YIF1B: variants seen among roughly 807,000 people sequenced by gnomAD.
YIF1B encodes protein YIF1B.
In YIF1B, 24 loss-of-function variants were observed where a neutral mutation model predicts 34.6. That is an observed-to-expected ratio of 0.69 (90% CI 0.50 to 0.98). The LOEUF (loss-of-function observed/expected upper bound fraction) is 0.98. Among genes scored for constraint, YIF1B ranks in the 50% least tolerant of loss-of-function variants. The pLI is 0.00. For synonymous variants in YIF1B, 186 were observed against 184.8 expected (o/e 1.01, Z -0.05); for missense variants, 368 against 429.4 (o/e 0.86, Z 1.26).
rs538078277 is a variant in YIF1B, at chr19:38,305,838, G to GC, written c.790-332dup. On this transcript the variant is annotated intron_variant, in intron 7 of 7. Coordinates refer to ENST00000339413, the MANE Select transcript of YIF1B (RefSeq NM_001039672.3). The stretch of plus-strand genomic sequence containing the variant: ...GGTGGGAGACGTGGCCCAGGATGCT[G>GC]CCCCCCCTTATGCTGGCCACACGGC... 9.1e-4 allele frequency among the ~76,000 whole-genome samples: 138 copies of GC among 152,268 alleles called. 1 individual carries two copies. Among genetic ancestry groups the GC allele is most frequent in the African/African-American group, 3.2e-3 (131 of 41,558 alleles).
chr19:38,314,616 CTTTTTT>C (rs911022609), intron 1 of YIF1B, among the ~76,000 whole-genome samples: 1 of 82,324 alleles, frequency 1.2e-5, no homozygotes, highest in East Asian at 3.9e-4. Context: ...GGATCACCCT[CTTTTTT>C]TTTTTTTTTT....
rs112065330 is a variant in YIF1B at position 38,303,879 on chromosome 19, T to C, written c.*1473A>G. 6.6e-6 allele frequency among the ~76,000 whole-genome samples: 1 copy of C among 152,218 alleles called. No homozygotes were observed. Among genetic ancestry groups the C allele is most frequent in the African/African-American group, 2.4e-5 (1 of 41,468 alleles). On this transcript the variant is annotated 3_prime_UTR_variant, in exon 8 of 8. Transcript: ENST00000339413. ...CGGGACGCCCCTGGCAGCAGCGCCC[T>C]GCGTGTTAAAGCGCCGCGGAGGAAG...
intron 1 of YIF1B, 152 bp downstream of exon 1, chr19:38,315,708 G>A: frequency 1.2e-6 from 2 of 1,608,504 alleles, no homozygotes; most frequent in Non-Finnish European, 1.7e-6. Flanking sequence ...CCCCCAAGGG[G>A]CCTCCTACCC....
At chr19:38,313,097 G>A (rs866475178) in intron 1 of YIF1B, among the ~76,000 whole-genome samples, 15 of 151,792 alleles carry the variant, frequency 9.9e-5, no homozygotes, top group African/African-American at 2.2e-4. Flanking sequence ...GATTATAGGC[G>A]CACGCCACCA....
upstream of YIF1B, among the ~76,000 whole-genome samples, chr19:38,319,182 G>A (rs187778961): frequency 5.3e-4 from 81 of 151,648 alleles, no homozygotes; most frequent in African/African-American, 1.8e-3. Flanking sequence ...CTGCAGCCTC[G>A]AACTCCTGGG....
chr19:38,318,554 A>T (rs568440894), upstream of YIF1B, among the ~76,000 whole-genome samples: 41 of 152,302 alleles, frequency 2.7e-4, no homozygotes, highest in African/African-American at 8.9e-4. Context: ...TTTAGTGGGA[A>T]TTATATTGGG....
At position 38,309,396 on chromosome 19, in the gene YIF1B, C is replaced by T. The variant is rs113562040; in HGVS notation, c.297+9G>A. 5.6e-5 allele frequency: 91 copies of T among 1,612,640 alleles called. No individual in the cohort carries two copies. The African/African-American group carries it at 9.1e-4, about 16-fold the overall frequency. On this transcript the variant is annotated intron_variant, in intron 2 of 7. Coordinates refer to ENST00000339413, the MANE Select transcript of YIF1B (RefSeq NM_001039672.3). ...CATCCCCCCACTCCCACCAGCCCCG[C>T]CCACTCACGTTCTTATCCACCAGCT...
At chr19:38,318,395 T>G (rs1229638539), upstream of YIF1B, among the ~76,000 whole-genome samples, 3 of 152,034 alleles carry the variant, frequency 2.0e-5, no homozygotes, top group Admixed American at 6.6e-5. Flanking sequence ...ACGATCCTCC[T>G]GCCTCAGCCT....
At position 38,304,322 on chromosome 19, in the gene YIF1B, C is replaced by G; in HGVS notation, c.*1030G>C. 1 of 1,613,034 alleles carries G rather than the reference C, an allele frequency of 6.2e-7. No homozygotes were observed. Among genetic ancestry groups the G allele is most frequent in the Non-Finnish European group, 8.5e-7 (1 of 1,179,862 alleles). ...GAGTGTGGACTGGAGGTGCAGGGGG[C>G]CGGACTCAAGCCCAGAAGCTGCCTG... On this transcript the variant is annotated 3_prime_UTR_variant, in exon 8 of 8. Coordinates refer to ENST00000339413, the MANE Select transcript of YIF1B (RefSeq NM_001039672.3).
intron 1 of YIF1B, among the ~76,000 whole-genome samples, chr19:38,310,639 C>T (rs752836035): frequency 1.3e-5 from 2 of 152,140 alleles, no homozygotes; most frequent in African/African-American, 4.8e-5. Flanking sequence ...AAGCCTTTTA[C>T]ACAAGGCCGC....
upstream of YIF1B, chr19:38,315,978 G>A: frequency 1.5e-6 from 2 of 1,368,348 alleles, no homozygotes; most frequent in East Asian, 3.1e-5. Flanking sequence ...CCGTACCCAC[G>A]CCCCGCCGGC....
At chr19:38,318,240 G>A (rs994250885), upstream of YIF1B, among the ~76,000 whole-genome samples, 1 of 137,746 alleles carries the variant, frequency 7.3e-6, no homozygotes, top group African/African-American at 2.6e-5. Flanking sequence ...TTAGTTCATT[G>A]GCTTCCTGCT....
intron 1 of YIF1B, among the ~76,000 whole-genome samples, chr19:38,314,113 C>T (rs1969436711): frequency 6.6e-6 from 1 of 152,004 alleles, no homozygotes; most frequent in Non-Finnish European, 1.5e-5. Flanking sequence ...GCAACCTCCG[C>T]ATCCTGGGTT....
intron 1 of YIF1B, among the ~76,000 whole-genome samples, chr19:38,315,177 G>A (rs1190416822): frequency 6.6e-6 from 1 of 151,596 alleles, no homozygotes; most frequent in Non-Finnish European, 1.5e-5. Context: ...CCCGGGAGGC[G>A]GAGGTTGCGG....
chr19:38,313,308 G>A (rs1969401211), intron 1 of YIF1B, among the ~76,000 whole-genome samples: 1 of 148,456 alleles, frequency 6.7e-6, no homozygotes, highest in Non-Finnish European at 1.5e-5. Flanking sequence ...ACCCAGGCTG[G>A]AGTGCAGTGG....
intron 1 of YIF1B, among the ~76,000 whole-genome samples, chr19:38,313,535 A>G (rs1344820213): frequency 1.3e-5 from 2 of 152,210 alleles, no homozygotes; most frequent in Non-Finnish European, 2.9e-5. Flanking sequence ...CTGGGATTAC[A>G]GGCGTGAGCC....
intron 1 of YIF1B, among the ~76,000 whole-genome samples, chr19:38,311,824 C>T (rs904449095): frequency 2.0e-5 from 3 of 152,258 alleles, no homozygotes; most frequent in Middle Eastern, 3.4e-3. Flanking sequence ...AGAGGCCAGG[C>T]GCAGTGGCTT....
At position 38,305,500 on chromosome 19, in the gene YIF1B, G is replaced by C. The variant is rs746092776; in HGVS notation, c.797C>G (p.Thr266Arg). ...CVAIFVFMIR[T>R]LRLKILADAA... ...GTCTGCCAAGATCTTCAGCCGCAGC[G>C]TCCGGATCTGGGTGGGAAAGAGAGA... The change falls in exon 8 of 8, where the codon ACG becomes AGG. Residue 266 changes from threonine to arginine, a missense_variant. Coordinates refer to ENST00000339413, the MANE Select transcript of YIF1B (RefSeq NM_001039672.3). The C allele has an allele frequency of 2.8e-5, 45 of 1,602,868 alleles. No individual in the cohort carries two copies. The highest frequency in any genetic ancestry group is 4.0e-5 in the African/African-American group (3 of 74,774).
At chr19:38,309,721 A>C in intron 1 of YIF1B, 78 bp from the exon 2 acceptor site, 2 of 1,507,502 alleles carry the variant, frequency 1.3e-6, no homozygotes, top group Non-Finnish European at 1.8e-6. Flanking sequence ...TTCATCCCAC[A>C]GCTCTGCCTC....
Sources: allele counts gnomAD v4.1 joint callset (sites outside exome capture counted in the v4.1 genomes callset), GRCh38; gene constraint gnomAD v4.1.1; transcripts MANE v1.5; gene names NCBI Gene and HGNC (gene_info 2026-07-23, HGNC 2026-07-21).